The following EHBP1 variants were observed in gnomAD, a reference collection of about 807,000 sequenced individuals.
EHBP1 encodes EH domain-binding protein 1.
Under a neutral mutation model 144.0 loss-of-function variants are expected in EHBP1, and 55 were observed. The observed-to-expected ratio is 0.38, with a 90% CI of 0.31 to 0.48. The LOEUF is 0.48. Ranked by LOEUF, EHBP1 falls within the 20% of genes least tolerant of loss-of-function variation. EHBP1 has a pLI of 0.98. For missense variants in EHBP1, 1,200 were observed against 1,364.2 expected, an observed-to-expected ratio of 0.88 and a Z score of 1.90; for synonymous variants, 469 against 472.7, an observed-to-expected ratio of 0.99 and a Z score of 0.10.
intron 14 of EHBP1, among the ~76,000 whole-genome samples, chr2:62,972,654 C>T (rs866861422): frequency 3.3e-5 from 5 of 152,236 alleles, no homozygotes; most frequent in Middle Eastern, 3.4e-3. Context: ...ACAAACAACA[C>T]AGATATGCCA....
intron 10 of EHBP1, among the ~76,000 whole-genome samples, chr2:62,891,174 A>T (rs1358025611): frequency 2.7e-5 from 4 of 150,856 alleles, no homozygotes; most frequent in African/African-American, 9.7e-5. Context: ...AAAAAAAAAA[A>T]GTCTCTATAT....
At chr2:62,774,389 AAGAG>A (rs1333665161) in intron 5 of EHBP1, among the ~76,000 whole-genome samples, 2 of 151,934 alleles carry the variant, frequency 1.3e-5, no homozygotes, top group Non-Finnish European at 2.9e-5. Flanking sequence ...AAAAAAAAAA[AAGAG>A]AGAAAAGAAA....
At chr2:62,800,673 A>G (rs1164272254) in intron 5 of EHBP1, among the ~76,000 whole-genome samples, 1 of 152,208 alleles carries the variant, frequency 6.6e-6, no homozygotes, top group Non-Finnish European at 1.5e-5. Flanking sequence ...GAAGCATTTG[A>G]AGGTGTTTCT....
intron 9 of EHBP1, among the ~76,000 whole-genome samples, chr2:62,867,217 TATG>T (rs1187982440): frequency 6.6e-6 from 1 of 152,162 alleles, no homozygotes. Context: ...AGTAAAACGT[TATG>T]ATGGTTGTGT....
At chr2:62,773,151 G>A (rs564887004) in intron 5 of EHBP1, among the ~76,000 whole-genome samples, 5 of 152,282 alleles carry the variant, frequency 3.3e-5, no homozygotes, top group African/African-American at 4.8e-5. Context: ...TAATTAAACC[G>A]AAACGAGACA....
chr2:62,865,256 G>A lies in EHBP1; in HGVS notation c.998+285G>A, dbSNP rs546285781. 7.9e-5 allele frequency among the ~76,000 whole-genome samples: 12 copies of A among 152,162 alleles called. No individual in the cohort carries two copies. The East Asian group carries it at 2.1e-3, about 27-fold the overall frequency. On this transcript the variant is annotated intron_variant, in intron 9 of 22. Transcript: ENST00000431489. ...TCTCACAGAAACTATATTATAAATGGTATTTAGGTTTTTGGTTTTTTTTTC... is the reference window on the plus strand; with the variant it reads ...TCTCACAGAAACTATATTATAAATGATATTTAGGTTTTTGGTTTTTTTTTC...
intron 10 of EHBP1, among the ~76,000 whole-genome samples, chr2:62,877,515 A>G (rs1359742411): frequency 6.6e-6 from 1 of 152,244 alleles, no homozygotes; most frequent in African/African-American, 2.4e-5. Flanking sequence ...AGACATCTAC[A>G]GAACACTGTG....
At chr2:62,788,984 A>G (rs1277669604) in intron 5 of EHBP1, among the ~76,000 whole-genome samples, 1 of 152,194 alleles carries the variant, frequency 6.6e-6, no homozygotes, top group African/African-American at 2.4e-5. Context: ...TGTGAAAAGC[A>G]TATGTCCTGT....
At chr2:63,018,895 C>T (rs1315959130) in intron 19 of EHBP1, among the ~76,000 whole-genome samples, 1 of 152,018 alleles carries the variant, frequency 6.6e-6, no homozygotes, top group African/African-American at 2.4e-5. Context: ...TGTGTTTTTC[C>T]TCAACAACTA....
intron 2 of EHBP1, among the ~76,000 whole-genome samples, chr2:62,719,807 C>G (rs1239343862): frequency 6.6e-6 from 1 of 152,156 alleles, no homozygotes; most frequent in Non-Finnish European, 1.5e-5. Context: ...TATGCAAATA[C>G]TATGCCATTT....
At chr2:62,978,783 C>T (rs762290057) in intron 14 of EHBP1, among the ~76,000 whole-genome samples, 39 of 152,224 alleles carry the variant, frequency 2.6e-4, no homozygotes, top group Non-Finnish European at 4.6e-4. Flanking sequence ...CTATCAAAGA[C>T]GTCTTTTAGC....
chr2:62,701,921 T>C (rs757725856), upstream of EHBP1, among the ~76,000 whole-genome samples: 2 of 152,158 alleles, frequency 1.3e-5, no homozygotes, highest in Non-Finnish European at 2.9e-5. Context: ...GCAAATCTTA[T>C]TACTAGGAAT....
At chr2:62,977,647 G>A (rs974500968) in intron 14 of EHBP1, among the ~76,000 whole-genome samples, 5 of 151,958 alleles carry the variant, frequency 3.3e-5, no homozygotes, top group Non-Finnish European at 7.4e-5. Flanking sequence ...ATATTCTCCT[G>A]CTTGAAATGG....
chr2:62,934,762 A>G (rs1021402312), intron 10 of EHBP1, among the ~76,000 whole-genome samples: 23 of 152,144 alleles, frequency 1.5e-4, no homozygotes, highest in Non-Finnish European at 2.8e-4. Flanking sequence ...TTCAATAGGG[A>G]TATGTAGTTT....
At chr2:62,970,516 A>AAAGT (rs2058451296) in intron 14 of EHBP1, among the ~76,000 whole-genome samples, 1 of 152,164 alleles carries the variant, frequency 6.6e-6, no homozygotes, top group Non-Finnish European at 1.5e-5. Flanking sequence ...GTTAAGGCTT[A>AAAGT]TTTCATGAAA....
At chr2:63,027,653 T>C (rs1339721213) in intron 19 of EHBP1, among the ~76,000 whole-genome samples, 1 of 152,194 alleles carries the variant, frequency 6.6e-6, no homozygotes. Flanking sequence ...AGCTCTCCCC[T>C]ATAGATATTT....
At chr2:62,866,889 A>G (rs1359369759) in intron 9 of EHBP1, among the ~76,000 whole-genome samples, 1 of 152,168 alleles carries the variant, frequency 6.6e-6, no homozygotes, top group African/African-American at 2.4e-5. Flanking sequence ...ATGAAACTCA[A>G]GCACAAGAAA....
chr2:63,043,110 C>T (rs1574603079), intron 21 of EHBP1, among the ~76,000 whole-genome samples: 1 of 151,860 alleles, frequency 6.6e-6, no homozygotes, highest in South Asian at 2.1e-4. Flanking sequence ...TTATAGTTAC[C>T]TGAAATTAGA....
intron 1 of EHBP1, among the ~76,000 whole-genome samples, chr2:62,676,537 G>A (rs2033302477): frequency 6.6e-6 from 1 of 152,178 alleles, no homozygotes; most frequent in Admixed American, 6.5e-5. Context: ...CCACGGGTTA[G>A]CCTGTGTCTT....
Sources: allele counts gnomAD v4.1 joint callset (sites outside exome capture counted in the v4.1 genomes callset), GRCh38; gene constraint gnomAD v4.1.1; transcripts MANE v1.5; gene names NCBI Gene and HGNC (gene_info 2026-07-23, HGNC 2026-07-21).